BMPR1B: variants seen among roughly 807,000 people sequenced by gnomAD.
The protein encoded by BMPR1B is bone morphogenetic protein receptor type-1B.
Under a neutral mutation model 59.1 loss-of-function variants are expected in BMPR1B, and 12 were observed. The ratio of observed to expected loss-of-function variants is 0.20; its 90% CI spans 0.13 to 0.33. BMPR1B has a LOEUF of 0.33. BMPR1B is among the 10% of genes least tolerant of loss of function. The pLI, the probability that BMPR1B is intolerant of heterozygous loss-of-function variation, is 1.00. For synonymous variants in BMPR1B, 237 were observed against 207.3 expected, an observed-to-expected ratio of 1.14 and a Z score of -1.23; for missense variants, 550 against 610.9, an observed-to-expected ratio of 0.90 and a Z score of 1.05.
intron 1 of BMPR1B, among the ~76,000 whole-genome samples, chr4:94,837,349 G>T (rs1159673381): frequency 6.8e-6 from 1 of 146,894 alleles, no homozygotes; most frequent in Non-Finnish European, 1.5e-5. Context: ...ATTACCTTGG[G>T]CAGTATGGCC....
intron 2 of BMPR1B, among the ~76,000 whole-genome samples, chr4:94,902,079 GTGTGTGT>G (rs1727836925): frequency 7.3e-6 from 1 of 137,428 alleles, no homozygotes; most frequent in Non-Finnish European, 1.6e-5. Flanking sequence ...GTGTGTGTGT[GTGTGTGT>G]GGGGTGTATT....
intron 2 of BMPR1B, among the ~76,000 whole-genome samples, chr4:94,962,237 A>G (rs1328434139): frequency 1.3e-5 from 2 of 151,042 alleles, no homozygotes; most frequent in Non-Finnish European, 2.9e-5. Flanking sequence ...TCCCAGGTTC[A>G]TGCGATTCTC....
intron 2 of BMPR1B, among the ~76,000 whole-genome samples, chr4:94,983,203 C>T (rs1328544784): frequency 6.6e-6 from 1 of 152,020 alleles, no homozygotes; most frequent in Non-Finnish European, 1.5e-5. Flanking sequence ...CTTTGTTTTC[C>T]CAAATATTAT....
In BMPR1B at chr4:94,890,707, T is replaced by C. The variant is rs542677632; in HGVS notation, c.-113+14807T>C. Among the ~76,000 whole-genome samples the C allele has an allele frequency of 2.0e-5, 3 of 152,164 alleles. No individual in the cohort carries two copies. The South Asian group carries it at 6.2e-4, about 32-fold the overall frequency. On this transcript the variant is annotated intron_variant, in intron 2 of 12. Coordinates refer to ENST00000515059, the MANE Select transcript of BMPR1B (RefSeq NM_001203.3). ...AGGTCTCTCTTTCTAGCTTACAGAC[T>C]GCCACCCTCTTACAGCGTCCTTACG... is the stretch of plus-strand genomic sequence containing the variant.
At chr4:95,083,856 C>A (rs1206713841) in intron 3 of BMPR1B, among the ~76,000 whole-genome samples, 1 of 152,032 alleles carries the variant, frequency 6.6e-6, no homozygotes, top group Non-Finnish European at 1.5e-5. Flanking sequence ...GTTAATGGTG[C>A]AGTATTAAAC....
chr4:95,040,202 A>G (rs1725555055), intron 3 of BMPR1B, among the ~76,000 whole-genome samples: 1 of 152,166 alleles, frequency 6.6e-6, no homozygotes, highest in South Asian at 2.1e-4. Context: ...TTATATTTAG[A>G]TATTTTCCAA....
intron 1 of BMPR1B, among the ~76,000 whole-genome samples, chr4:94,829,221 GC>G (rs1560504025): frequency 6.6e-6 from 1 of 151,848 alleles, no homozygotes; most frequent in Admixed American, 6.6e-5. Context: ...AGGGAGGCGT[GC>G]TTTTATCCTT....
At chr4:94,837,067 G>GT (rs1320916756) in intron 1 of BMPR1B, among the ~76,000 whole-genome samples, 1 of 143,540 alleles carries the variant, frequency 7.0e-6, no homozygotes, top group Non-Finnish European at 1.5e-5. Context: ...TCAGATAGTT[G>GT]TAGATATGCG....
At chr4:95,036,111 C>T (rs763239652) in intron 3 of BMPR1B, among the ~76,000 whole-genome samples, 1 of 151,912 alleles carries the variant, frequency 6.6e-6, no homozygotes, top group African/African-American at 2.4e-5. Context: ...AGTAGTGCTA[C>T]TAATTTGTGT....
At chr4:95,104,383 T>C in intron 3 of BMPR1B, 25 bp from the exon 4 acceptor site, 1 of 1,611,762 alleles carries the variant, frequency 6.2e-7, no homozygotes, top group Non-Finnish European at 8.5e-7. Context: ...CACAGATGCC[T>C]AACTCTCACT....
chr4:94,761,501 A>G (rs1418118231), intron 1 of BMPR1B, among the ~76,000 whole-genome samples: 1 of 151,252 alleles, frequency 6.6e-6, no homozygotes, highest in Non-Finnish European at 1.5e-5. Context: ...AGTTTGGACC[A>G]GATTAGTGGT....
In BMPR1B at chr4:95,112,496, T is replaced by C. The variant is rs1019512087; in HGVS notation, c.144-2224T>C. On this transcript the variant is annotated intron_variant, in intron 4 of 12. Coordinates refer to ENST00000515059, the MANE Select transcript of BMPR1B (RefSeq NM_001203.3). Reference sequence around the variant, plus strand: ...TCTTGAACTTCTGTAATTGTAGTGCTAGTTTCCAGTTGATGTTCCTTGCTG... The same window carrying C: ...TCTTGAACTTCTGTAATTGTAGTGCCAGTTTCCAGTTGATGTTCCTTGCTG... 7.2e-5 allele frequency among the ~76,000 whole-genome samples: 11 copies of C among 152,158 alleles called. No individual in the cohort carries two copies. The East Asian group carries it at 2.1e-3, about 29-fold the overall frequency.
intron 1 of BMPR1B, among the ~76,000 whole-genome samples, chr4:94,811,305 T>G (rs1330464530): frequency 1.3e-5 from 2 of 152,218 alleles, no homozygotes; most frequent in Non-Finnish European, 2.9e-5. Flanking sequence ...TGTACTTATG[T>G]GCATGAAACC....
chr4:94,960,718 AAT>A (rs35562478), intron 2 of BMPR1B, among the ~76,000 whole-genome samples: 75,537 of 150,582 alleles, frequency 0.5, 19,290 homozygotes, highest in South Asian at 0.59. Flanking sequence ...GTGTATGAAA[AAT>A]ATATATATAT....
rs140248448 is a variant in BMPR1B, at chr4:95,100,944, G to A, written c.-17-3464G>A. On this transcript the variant is annotated intron_variant, in intron 3 of 12. Coordinates refer to ENST00000515059, the MANE Select transcript of BMPR1B (RefSeq NM_001203.3). ...TAATATAATCTACTTCTTCCAAGTA[G>A]TGTTTGTTTTATTCTCAGTCTTTGA... 6.0e-3 allele frequency among the ~76,000 whole-genome samples: 919 copies of A among 152,094 alleles called. 4 individuals carry two copies. The highest frequency in any genetic ancestry group is 0.021 in the African/African-American group (852 of 41,484).
At chr4:94,805,822 G>T (rs111812760) in intron 1 of BMPR1B, among the ~76,000 whole-genome samples, 10 of 152,066 alleles carry the variant, frequency 6.6e-5, no homozygotes, top group African/African-American at 2.4e-4. Flanking sequence ...TATTCTTTAT[G>T]TTGAAATTTC....
chr4:94,915,593 T>A (rs7661079), intron 2 of BMPR1B, among the ~76,000 whole-genome samples: 17,217 of 152,176 alleles, frequency 0.11, 2,161 homozygotes, highest in African/African-American at 0.31. Context: ...GTTTTTGAAA[T>A]CGACACAATT....
intron 11 of BMPR1B, among the ~76,000 whole-genome samples, chr4:95,149,624 G>A (rs963941503): frequency 2.6e-5 from 4 of 152,182 alleles, no homozygotes; most frequent in Admixed American, 2.6e-4. Context: ...GCAAGGAGCT[G>A]AATCTTTGGC....
intron 2 of BMPR1B, among the ~76,000 whole-genome samples, chr4:94,979,345 TAAA>T (rs568704765): frequency 6.6e-6 from 1 of 151,854 alleles, no homozygotes; most frequent in South Asian, 2.1e-4. Context: ...TCTTTTATGT[TAAA>T]AAAAAACTTA....
Sources: allele counts gnomAD v4.1 joint callset (sites outside exome capture counted in the v4.1 genomes callset), GRCh38; gene constraint gnomAD v4.1.1; transcripts MANE v1.5; gene names NCBI Gene and HGNC (gene_info 2026-07-23, HGNC 2026-07-21).